The following LPO variants were observed in gnomAD, a reference collection of about 807,000 sequenced individuals.
LPO encodes the protein salivary peroxidase.
In LPO, 70 loss-of-function variants were observed where a neutral mutation model predicts 68.4. The observed-to-expected ratio is 1.02, with a 90% CI of 0.84 to 1.25. The LOEUF is 1.25. Ranked by LOEUF, LPO falls within the 50% of genes most tolerant of loss-of-function variation. The pLI, the probability that LPO is intolerant of heterozygous loss-of-function variation, is 0.00. For synonymous variants in LPO, 360 were observed against 357.6 expected (o/e 1.01, Z -0.08); for missense variants, 873 against 908.4 (o/e 0.96, Z 0.50).
In LPO at chr17:58,268,042, C is replaced by T; in HGVS notation, c.*48C>T. 1 of 1,576,702 alleles carries T rather than the reference C, an allele frequency of 6.3e-7. No individual in the cohort carries two copies. Among genetic ancestry groups the T allele is most frequent in the Non-Finnish European group, 8.7e-7 (1 of 1,149,586 alleles). ...TTCCCTTTGGTCCACAGGGCCATTT[C>T]AAGCAAGTTCAATGACCTGGTCCCT... is the stretch of plus-strand genomic sequence containing the variant. On this transcript the variant is annotated 3_prime_UTR_variant, in exon 13 of 13. Transcript: ENST00000262290.
In LPO at chr17:58,254,956, G is replaced by A. The variant is rs1162683033; in HGVS notation, c.1251G>A (p.Leu417=). 2 of 1,613,970 alleles carry A rather than the reference G, an allele frequency of 1.2e-6. No individual in the cohort carries two copies. The highest frequency in any genetic ancestry group is 8.5e-7 in the Non-Finnish European group (1 of 1,179,934). The stretch of plus-strand genomic sequence containing the variant: ...TCTACCAGGAAGCCCGGAAAATCCT[G>A]GGAGCCTTCGTGCAGGTAGGGAGTC... ...EKLYQEARKI[L]GAFVQIITFR... Residue 417 remains leucine (L), a synonymous_variant, in exon 9 of 13, where the codon CTG becomes CTA. Coordinates refer to ENST00000262290, the MANE Select transcript of LPO (RefSeq NM_006151.3).
chr17:58,254,099 A>C (rs1970014602), intron 8 of LPO, among the ~76,000 whole-genome samples: 1 of 152,046 alleles, frequency 6.6e-6, no homozygotes, highest in South Asian at 2.1e-4. Flanking sequence ...GCAACAGAGC[A>C]AGACTGTCCA....
In LPO at chr17:58,249,662, G is replaced by A. The variant is rs1216952729; in HGVS notation, c.540G>A (p.Pro180=). 7.6e-6 allele frequency: 12 copies of A among 1,586,154 alleles called. No homozygotes were observed. The highest frequency in any genetic ancestry group is 5.6e-5 in the South Asian group (5 of 88,852). ...DGLSLPFGWT[P]GKTRNGFPLP... ...TCTCCCTGCCCTTCGGCTGGACGCC[G>A]GGGAAGACGCGCAACGGCTTCCCTC... is the stretch of plus-strand genomic sequence containing the variant. Residue 180 remains proline, a synonymous_variant, in exon 6 of 13, where the codon CCG becomes CCA. Coordinates refer to ENST00000262290, the MANE Select transcript of LPO (RefSeq NM_006151.3).
intron 9 of LPO, among the ~76,000 whole-genome samples, chr17:58,256,554 G>A (rs1034597735): frequency 4.6e-5 from 7 of 152,020 alleles, no homozygotes; most frequent in Non-Finnish European, 1.0e-4. Flanking sequence ...AGTGGCTCAT[G>A]CCTGTAATCC....
At chr17:58,263,908 C>G (rs773463074) in intron 9 of LPO, among the ~76,000 whole-genome samples, 26 of 152,186 alleles carry the variant, frequency 1.7e-4, no homozygotes, top group African/African-American at 2.4e-4. Context: ...CCCACTCAAT[C>G]CCTGCTGGTG....
intron 7 of LPO, chr17:58,251,843 G>T (rs1377367713): frequency 1.7e-6 from 1 of 577,388 alleles, no homozygotes; most frequent in Non-Finnish European, 3.3e-6. Context: ...CATGGCAGCT[G>T]TTGTTAGTAG....
intron 9 of LPO, among the ~76,000 whole-genome samples, chr17:58,262,133 T>C (rs8178384): frequency 0.029 from 4,376 of 152,310 alleles, 219 homozygotes; most frequent in African/African-American, 0.099. Flanking sequence ...GTCCTGTCCT[T>C]CTTCTATTAC....
chr17:58,251,015 A>G, intron 7 of LPO: 1 of 235,112 alleles, frequency 4.3e-6, no homozygotes, highest in Non-Finnish European at 8.6e-6. Flanking sequence ...GAGGCGGCTC[A>G]TGCCTATAAT....
intron 1 of LPO, among the ~76,000 whole-genome samples, chr17:58,239,585 C>A (rs948832488): frequency 6.6e-6 from 1 of 151,998 alleles, no homozygotes; most frequent in Non-Finnish European, 1.5e-5. Flanking sequence ...CTCACTCCAC[C>A]ACCCTCCACA....
intron 3 of LPO, 39 bp downstream of exon 3, chr17:58,244,120 C>T (rs767314446): frequency 5.1e-6 from 7 of 1,369,844 alleles, no homozygotes; most frequent in Non-Finnish European, 6.2e-6. Context: ...CACACACACA[C>T]ACACACACAC....
intron 9 of LPO, among the ~76,000 whole-genome samples, chr17:58,260,082 G>A (rs1970148289): frequency 6.6e-6 from 1 of 152,196 alleles, no homozygotes; most frequent in Admixed American, 6.5e-5. Flanking sequence ...TGAAGTGCTG[G>A]GATTACAGGC....
intron 11 of LPO, 32 bp from the exon 12 acceptor site, chr17:58,267,316 CG>C: frequency 6.4e-7 from 1 of 1,566,458 alleles, no homozygotes; most frequent in Non-Finnish European, 8.8e-7. Context: ...AGGAAGTCCC[CG>C]GGATGAGACA....
At chr17:58,258,754 T>G (rs1970118853) in intron 9 of LPO, among the ~76,000 whole-genome samples, 1 of 152,246 alleles carries the variant, frequency 6.6e-6, no homozygotes, top group Non-Finnish European at 1.5e-5. Flanking sequence ...CACCATTTTT[T>G]GTTTTATCCT....
At chr17:58,245,130 C>G (rs1168864419) in intron 3 of LPO, among the ~76,000 whole-genome samples, 1 of 152,186 alleles carries the variant, frequency 6.6e-6, no homozygotes. Flanking sequence ...AGGATTATCT[C>G]AGGAATTAAA....
At chr17:58,244,426 A>AT (rs1969816496) in intron 3 of LPO, 1 of 282,088 alleles carries the variant, frequency 3.5e-6, no homozygotes, top group Non-Finnish European at 6.6e-6. Context: ...TCCAGCTGAT[A>AT]TTGACTGATT....
At chr17:58,248,081 T>A (rs1039798350) in intron 4 of LPO, among the ~76,000 whole-genome samples, 2 of 152,196 alleles carry the variant, frequency 1.3e-5, no homozygotes, top group African/African-American at 4.8e-5. Flanking sequence ...TTCCATCGTG[T>A]TCTGGGTAAG....
At chr17:58,251,812 A>G in intron 7 of LPO, 1 of 541,632 alleles carries the variant, frequency 1.8e-6, no homozygotes, top group Non-Finnish European at 3.6e-6. Context: ...TTCCTGGCAC[A>G]TGGTAAGTCC....
Position 58,249,661 on chromosome 17 carries a change from C to G in LPO, c.539C>G (p.Pro180Arg), listed in dbSNP as rs779137282. The G allele has an allele frequency of 7.6e-6, 12 of 1,586,140 alleles. No individual in the cohort carries two copies. In the African/African-American group the frequency reaches 1.2e-4, roughly 16 times the overall value. Residue 180 changes from proline to arginine, a missense_variant, in exon 6 of 13, where the codon CCG becomes CGG. Pro to Arg is a moderately radical substitution (Grantham distance 103). Coordinates refer to ENST00000262290, the MANE Select transcript of LPO (RefSeq NM_006151.3). ...CTCTCCCTGCCCTTCGGCTGGACGC[C>G]GGGGAAGACGCGCAACGGCTTCCCT... ...DGLSLPFGWT[P>R]GKTRNGFPLP...
Position 58,249,186 on chromosome 17 carries a change from G to T in LPO, c.443+9G>T, listed in dbSNP as rs1489641362. 4 of 1,611,754 alleles carry T rather than the reference G, an allele frequency of 2.5e-6. No homozygotes were observed. The Admixed American group carries it at 5.0e-5, about 20-fold the overall frequency. On this transcript the variant is annotated intron_variant, in intron 5 of 12. Transcript: ENST00000262290. ...GGAGACTGCAATAACAGGTGGCGGGGCTTGGGGTGTGGGGGCCGACCATTC... is the reference window on the plus strand; with the variant it reads ...GGAGACTGCAATAACAGGTGGCGGGTCTTGGGGTGTGGGGGCCGACCATTC...
Sources: allele counts gnomAD v4.1 joint callset (sites outside exome capture counted in the v4.1 genomes callset), GRCh38; gene constraint gnomAD v4.1.1; transcripts MANE v1.5; gene names NCBI Gene and HGNC (gene_info 2026-07-23, HGNC 2026-07-21).